CNTRL: variants seen among roughly 807,000 people sequenced by gnomAD.
CNTRL encodes the protein centriolin, also known as 110 kDa centrosomal protein.
Under a neutral mutation model 303.7 loss-of-function variants are expected in CNTRL, and 233 were observed. That is an observed-to-expected ratio of 0.77 (90% confidence interval 0.69 to 0.86). The LOEUF (loss-of-function observed/expected upper bound fraction) is 0.86. Among genes scored for constraint, CNTRL ranks in the 40% least tolerant of loss-of-function variants. The probability of loss-of-function intolerance (pLI) is 0.00; values close to 1 mark genes in which losing one functional copy is unlikely to be tolerated. For missense variants in CNTRL, 2,524 were observed against 2,650.6 expected (o/e 0.95, Z 1.05); for synonymous variants, 900 against 922.2 (o/e 0.98, Z 0.44).
At chr9:121,110,234 A>C (rs1400492368) in intron 8 of CNTRL, among the ~76,000 whole-genome samples, 2 of 152,134 alleles carry the variant, frequency 1.3e-5, no homozygotes, top group Non-Finnish European at 2.9e-5. Context: ...CCTGTGCTTC[A>C]GTTTAGTTAT....
At position 121,137,083 on chromosome 9, in the gene CNTRL, G is replaced by A. The variant is rs114168823; in HGVS notation, c.2202+1101G>A. Reference sequence around the variant, plus strand: ...TGAACGTATGCCTCCAGGATGCCAGGAGCAGGGAGAGGAGTGAGGAAAGAG... The same window carrying A: ...TGAACGTATGCCTCCAGGATGCCAGAAGCAGGGAGAGGAGTGAGGAAAGAG... On this transcript the variant is annotated intron_variant, in intron 15 of 43. Transcript: ENST00000373855. Among the ~76,000 whole-genome samples, 707 of 152,288 alleles carry A rather than the reference G, an allele frequency of 4.6e-3. 5 individuals are homozygous for A. The highest frequency in any genetic ancestry group is 0.016 in the African/African-American group (665 of 41,562).
chr9:121,079,633 A>G (rs2048062087), intron 1 of CNTRL, among the ~76,000 whole-genome samples: 1 of 152,132 alleles, frequency 6.6e-6, no homozygotes, highest in African/African-American at 2.4e-5. Context: ...TTTTACATTT[A>G]TATTTAAATA....
intron 8 of CNTRL, 73 bp from the exon 9 acceptor site, chr9:121,112,386 C>T: frequency 7.2e-7 from 1 of 1,396,958 alleles, no homozygotes; most frequent in Non-Finnish European, 1.0e-6. Flanking sequence ...ACGATGAGAA[C>T]TTACCATATC....
intron 6 of CNTRL, 116 bp from the exon 7 acceptor site, chr9:121,098,270 A>C: frequency 1.3e-6 from 1 of 750,950 alleles, no homozygotes; most frequent in Non-Finnish European, 2.1e-6. Context: ...CTTTTGGGTA[A>C]TTGGCTTCAT....
chr9:121,096,523 C>A lies in CNTRL; in HGVS notation c.581C>A (p.Ser194Tyr). ...GTATGGTTAGGGAAGAAGTTAAAAT[C>A]TTTGCGAGTCCTCAATTTGAAAGGC... ...IPVWLGKKLK[S>Y]LRVLNLKGNK... The change falls in exon 6 of 44, where the codon TCT becomes TAT. Residue 194 changes from serine to tyrosine, a missense_variant. By Grantham distance (144) the Ser-to-Tyr change is moderately radical (BLOSUM62 -2). Transcript: ENST00000373855. The A allele has an allele frequency of 6.6e-7, 1 of 1,506,978 alleles. No individual in the cohort carries two copies. Among genetic ancestry groups the A allele is most frequent in the African/African-American group, 1.4e-5 (1 of 72,770 alleles). The allele number at this position is 1,506,978 out of a possible 1,614,324, so 93.4% of individuals were successfully genotyped here.
chr9:121,096,393 TA>T (rs762642407), intron 5 of CNTRL, 28 bp from the exon 6 acceptor site: 2 of 1,441,494 alleles, frequency 1.4e-6, no homozygotes, highest in South Asian at 1.6e-5. Context: ...TTGTACTCAC[TA>T]AATTTTATTT....
chr9:121,163,210 G>T (rs1037629462), intron 34 of CNTRL, among the ~76,000 whole-genome samples: 1 of 150,328 alleles, frequency 6.7e-6, no homozygotes, highest in Non-Finnish European at 1.5e-5. Context: ...AAATAGCCAG[G>T]TTGGGAAGCT....
chr9:121,146,704 G>A (rs1382444838), intron 23 of CNTRL, among the ~76,000 whole-genome samples: 2 of 152,210 alleles, frequency 1.3e-5, no homozygotes, highest in Non-Finnish European at 2.9e-5. Flanking sequence ...CATTGGCCAT[G>A]CCAGCATAAT....
intron 2 of CNTRL, among the ~76,000 whole-genome samples, chr9:121,086,203 G>A (rs2132172604): frequency 6.6e-6 from 1 of 152,216 alleles, no homozygotes; most frequent in East Asian, 1.9e-4. Flanking sequence ...TTCCTGCTAG[G>A]TACCAGGCAC....
rs2053576869 is a variant in CNTRL at position 121,177,578 on chromosome 9, A to G, written c.*392A>G. ...TATTTTTGAATTTTGCTTAAAATCTATTTTTCATATGAAAATAAAAGATAA... is the reference window on the plus strand; with the variant it reads ...TATTTTTGAATTTTGCTTAAAATCTGTTTTTCATATGAAAATAAAAGATAA... On this transcript the variant is annotated 3_prime_UTR_variant, in exon 44 of 44. Coordinates refer to ENST00000373855, the MANE Select transcript of CNTRL (RefSeq NM_007018.6). 2.4e-5 allele frequency: 5 copies of G among 210,180 alleles called. No individual in the cohort carries two copies. Among genetic ancestry groups the G allele is most frequent in the South Asian group, 1.8e-4 (1 of 5,536 alleles). 13.0% of individuals were successfully genotyped at this position (210,180 alleles called of 1,614,324 possible). A position where few individuals can be genotyped will look rare whatever the true frequency, so the allele number is the denominator to read the frequency against.
chr9:121,107,321 G>T (rs1255988424), intron 7 of CNTRL, among the ~76,000 whole-genome samples: 1 of 152,292 alleles, frequency 6.6e-6, no homozygotes, highest in East Asian at 1.9e-4. Flanking sequence ...AGTAGAGTAT[G>T]CTTGAAGATG....
chr9:121,097,980 CTATT>C, intron 6 of CNTRL, among the ~76,000 whole-genome samples: 1 of 152,244 alleles, frequency 6.6e-6, no homozygotes, highest in Admixed American at 6.5e-5. Flanking sequence ...TTTTTTATAA[CTATT>C]CATTTTTTTG....
chr9:121,097,491 C>T (rs767912859), intron 6 of CNTRL, among the ~76,000 whole-genome samples: 2 of 152,088 alleles, frequency 1.3e-5, no homozygotes, highest in Non-Finnish European at 2.9e-5. Context: ...ATTCTTTAAG[C>T]CTTCACCAGT....
At position 121,166,159 on chromosome 9, in the gene CNTRL, C is replaced by G; in HGVS notation, c.5634C>G (p.Asp1878Glu). ...SLQEELANVQDHLNLAKQDLL... is the reference protein window; with the variant it reads ...SLQEELANVQEHLNLAKQDLL... The stretch of plus-strand genomic sequence containing the variant: ...AGGAGGAACTAGCTAATGTCCAAGA[C>G]CATTTGAACCTAGCAAAACAGGTAA... Residue 1878 changes from aspartate to glutamate, a missense_variant, in exon 36 of 44, where the codon GAC becomes GAG. Transcript: ENST00000373855. 1 of 1,611,788 alleles carries G rather than the reference C, an allele frequency of 6.2e-7. No homozygotes were observed. Among genetic ancestry groups the G allele is most frequent in the Non-Finnish European group, 8.5e-7 (1 of 1,179,082 alleles).
At chr9:121,131,976 G>T (rs2050888621) in intron 14 of CNTRL, among the ~76,000 whole-genome samples, 1 of 152,144 alleles carries the variant, frequency 6.6e-6, no homozygotes, top group South Asian at 2.1e-4. Context: ...CTCTCTTCTG[G>T]CTTGTAGAGT....
chr9:121,158,176 T>A, intron 30 of CNTRL, 67 bp downstream of exon 30: 1 of 1,548,660 alleles, frequency 6.5e-7, no homozygotes, highest in South Asian at 1.2e-5. Flanking sequence ...GTAATACATG[T>A]TTAATTGTAG....
intron 12 of CNTRL, chr9:121,122,016 C>A: frequency 1.4e-6 from 1 of 731,378 alleles, no homozygotes; most frequent in Non-Finnish European, 1.7e-6. Context: ...GATGTAAGTT[C>A]CTGTTTTTAC....
In CNTRL at chr9:121,165,066, T is replaced by C; in HGVS notation, c.5547T>C (p.His1849=). ...DQLNRDKLSL[H]NDISAMQQQL... is the part of the protein sequence containing the mutation. ...TAAACAGAGACAAGTTGTCACTGCA[T>C]AACGACATTTCAGCAATGCAACAGC... Residue 1849 remains histidine, a synonymous_variant, in exon 35 of 44, where the codon CAT becomes CAC. Transcript: ENST00000373855. 6.3e-7 allele frequency: 1 copy of C among 1,599,426 alleles called. No homozygotes were observed. Among genetic ancestry groups the C allele is most frequent in the Non-Finnish European group, 8.5e-7 (1 of 1,174,482 alleles).
intron 15 of CNTRL, among the ~76,000 whole-genome samples, chr9:121,136,698 C>G (rs1351590084): frequency 6.6e-6 from 1 of 152,156 alleles, no homozygotes; most frequent in Non-Finnish European, 1.5e-5. Context: ...ATTATACTTG[C>G]AAGTTACAGA....
Sources: allele counts gnomAD v4.1 joint callset (sites outside exome capture counted in the v4.1 genomes callset), GRCh38; gene constraint gnomAD v4.1.1; transcripts MANE v1.5; gene names NCBI Gene and HGNC (gene_info 2026-07-23, HGNC 2026-07-21).